ACACB: variants seen among roughly 807,000 people sequenced by gnomAD.
ACACB encodes the protein acetyl-CoA carboxylase 2.
Under a neutral mutation model 278.8 loss-of-function variants are expected in ACACB, and 209 were observed. The observed-to-expected ratio is 0.75, with a 90% CI of 0.67 to 0.84. ACACB has a LOEUF of 0.84. ACACB is among the 40% of genes least tolerant of loss of function. The pLI is 0.00. For missense variants in ACACB, 2,850 were observed against 3,269.0 expected, an observed-to-expected ratio of 0.87 and a Z score of 3.13; for synonymous variants, 1,174 against 1,285.6, an observed-to-expected ratio of 0.91 and a Z score of 1.86.
rs758101883 is a variant in ACACB at position 109,176,278 on chromosome 12, CTG to C, written c.1437+19_1437+20del. ...TTTTCAGACAAGTGAGCAGTTCTTG[CTG>C]TGTCTTTTCGCATCTGTCTTTGGGA... On this transcript the variant is annotated intron_variant, in intron 9 of 52. Coordinates refer to ENST00000338432, the MANE Select transcript of ACACB (RefSeq NM_001093.4). The C allele has an allele frequency of 6.2e-6, 10 of 1,605,850 alleles. No individual in the cohort carries two copies. Among genetic ancestry groups the C allele is most frequent in the South Asian group, 1.1e-5 (1 of 90,880 alleles).
At chr12:109,233,916 A>T in intron 30 of ACACB, 22 bp from the exon 31 acceptor site, 1 of 1,613,496 alleles carries the variant, frequency 6.2e-7, no homozygotes, top group South Asian at 1.1e-5. Flanking sequence ...TTCCAGCCCT[A>T]CCCCTTGCTT....
At chr12:109,191,548 A>G (rs2044883640) in intron 13 of ACACB, 65 bp from the exon 14 acceptor site, 2 of 1,590,956 alleles carry the variant, frequency 1.3e-6, no homozygotes, top group Admixed American at 3.4e-5. Context: ...GAATCACATC[A>G]TTGCAGCAAC....
intron 12 of ACACB, among the ~76,000 whole-genome samples, 158 bp from the exon 13 acceptor site, chr12:109,187,841 T>C (rs999211968): frequency 1.3e-5 from 2 of 152,196 alleles, no homozygotes; most frequent in African/African-American, 4.8e-5. Context: ...CATGAATAGA[T>C]ACATCCATAC....
chr12:109,243,897 T>TATATATATATATATATATATATATATA (rs1565965174), intron 37 of ACACB, among the ~76,000 whole-genome samples: 1 of 147,456 alleles, frequency 6.8e-6, no homozygotes, highest in Admixed American at 6.8e-5. Flanking sequence ...ATATATATAT[T>TATATATATATATATATATATATATATA]TATTTATTTA....
chr12:109,218,923 C>T lies in ACACB; in HGVS notation c.3564+2003C>T, dbSNP rs149325378. 3.0e-4 allele frequency among the ~76,000 whole-genome samples: 45 copies of T among 152,198 alleles called. 1 individual carries two copies. The highest frequency in any genetic ancestry group is 2.7e-3 in the East Asian group (14 of 5,186). On this transcript the variant is annotated intron_variant, in intron 24 of 52. Coordinates refer to ENST00000338432, the MANE Select transcript of ACACB (RefSeq NM_001093.4). ...CTGGGATTACAGGCATGCGCCACCA[C>T]GCCCGGCTAATTTTTGTGTTTTTAG...
rs1165537149 is a variant in ACACB, at chr12:109,139,839, G to A, written c.434G>A (p.Gly145Asp). ...GCCAGGCCCCAGGGCCAGCAAGCTG[G>A]CTCCCCCTCCAAAGAAGACAAGAAG... is the stretch of plus-strand genomic sequence containing the variant. ...SSARPQGQQA[G>D]SPSKEDKKQA... Residue 145 changes from glycine to aspartate, a missense_variant, in exon 2 of 53, where the codon GGC (glycine) becomes GAC (aspartate). Coordinates refer to ENST00000338432, the MANE Select transcript of ACACB (RefSeq NM_001093.4). The A allele has an allele frequency of 6.2e-7, 1 of 1,614,014 alleles. No individual in the cohort carries two copies. Among genetic ancestry groups the A allele is most frequent in the African/African-American group, 1.3e-5 (1 of 74,940 alleles).
At chr12:109,161,610 C>T (rs974363276) in intron 2 of ACACB, among the ~76,000 whole-genome samples, 73 of 151,890 alleles carry the variant, frequency 4.8e-4, no homozygotes, top group Non-Finnish European at 1.5e-4. Context: ...GTATAGTTAT[C>T]ACAGCACTAT....
chr12:109,178,861 A>T (rs1438739014), intron 9 of ACACB, among the ~76,000 whole-genome samples: 2 of 151,980 alleles, frequency 1.3e-5, no homozygotes, highest in Admixed American at 1.3e-4. Flanking sequence ...GTTCTTCCCC[A>T]CCTGGGGCCG....
chr12:109,221,897 G>A (rs866539592), intron 24 of ACACB, among the ~76,000 whole-genome samples: 1 of 149,236 alleles, frequency 6.7e-6, no homozygotes, highest in Non-Finnish European at 1.5e-5. Context: ...TTTTTTTTGG[G>A]GGGGAGACAG....
intron 21 of ACACB, among the ~76,000 whole-genome samples, chr12:109,210,637 G>T (rs183893049): frequency 1.5e-4 from 23 of 150,584 alleles, no homozygotes; most frequent in Non-Finnish European, 1.0e-4. Context: ...TACTGAGGTC[G>T]GGTGCATTGG....
chr12:109,258,824 G>A lies in ACACB; in HGVS notation c.6361-149G>A, dbSNP rs947506159. ...AGCCTGGTCCTGAGCGGAGGAGATG[G>A]GGCTTCCATCCTTCTGAGCCCTGGC... On this transcript the variant is annotated intron_variant, in intron 46 of 52. Transcript: ENST00000338432. 5.8e-6 allele frequency: 6 copies of A among 1,026,450 alleles called. No homozygotes were observed. In the South Asian group the frequency reaches 9.4e-5, roughly 16 times the overall value. The allele number at this position is 1,026,450 out of a possible 1,614,324, so 63.6% of individuals were successfully genotyped here. A position where few individuals can be genotyped will look rare whatever the true frequency, so the allele number is the denominator to read the frequency against.
chr12:109,112,243 AAT>A (rs1364805911), upstream of ACACB, among the ~76,000 whole-genome samples: 1 of 149,128 alleles, frequency 6.7e-6, no homozygotes, highest in African/African-American at 2.4e-5. Context: ...ATATAAGTTC[AAT>A]ATATATGTAT....
intron 11 of ACACB, among the ~76,000 whole-genome samples, chr12:109,184,417 C>T (rs1440838956): frequency 6.6e-6 from 1 of 152,188 alleles, no homozygotes; most frequent in African/African-American, 2.4e-5. Context: ...CTGAATACTT[C>T]ATTCTAAAGG....
chr12:109,111,221 A>T, the ACACB span: 1 of 152,298 alleles, frequency 6.6e-6, no homozygotes, highest in African/African-American at 2.4e-5. Context: ...CCCAACTCCG[A>T]GCACCGTGGA....
chr12:109,239,706 C>G (rs1268879452), intron 34 of ACACB, 124 bp from the exon 35 acceptor site: 2 of 1,180,218 alleles, frequency 1.7e-6, no homozygotes, highest in South Asian at 1.6e-5. Flanking sequence ...TCTTGCCTGG[C>G]ACACTTTTTG....
At position 109,210,188 on chromosome 12, in the gene ACACB, CGTGTGTAT is replaced by C. The variant is rs1257567098; in HGVS notation, c.3249+836_3249+843del. Among the ~76,000 whole-genome samples, 4 of 13,752 alleles carry C rather than the reference CGTGTGTAT, an allele frequency of 2.9e-4. 1 individual carries two copies. Among genetic ancestry groups the C allele is most frequent in the African/African-American group, 1.1e-3 (4 of 3,638 alleles). 9.0% of individuals were successfully genotyped at this position (13,752 alleles called of 152,430 possible). ...ATATGTATATATGTATATATACACA[CGTGTGTAT>C]ATGTATATATGTATATATACACACA... On this transcript the variant is annotated intron_variant, in intron 21 of 52. Transcript: ENST00000338432.
At chr12:109,120,112 T>C (rs1267017475) in intron 1 of ACACB, among the ~76,000 whole-genome samples, 4 of 152,178 alleles carry the variant, frequency 2.6e-5, no homozygotes, top group African/African-American at 9.7e-5. Flanking sequence ...CCTAGAAGGC[T>C]TTCTCTGCTG....
chr12:109,243,883 A>ATT (rs1565965084), intron 37 of ACACB, among the ~76,000 whole-genome samples: 4 of 134,270 alleles, frequency 3.0e-5, no homozygotes, highest in African/African-American at 1.1e-4. Flanking sequence ...GACATTATAT[A>ATT]TATATATATA....
chr12:109,266,031 G>T (rs958423098), intron 52 of ACACB, among the ~76,000 whole-genome samples: 1 of 152,258 alleles, frequency 6.6e-6, no homozygotes, highest in Non-Finnish European at 1.5e-5. Context: ...GCAGTGACCA[G>T]TAGGGACGGT....
Sources: allele counts gnomAD v4.1 joint callset (sites outside exome capture counted in the v4.1 genomes callset), GRCh38; gene constraint gnomAD v4.1.1; transcripts MANE v1.5; gene names NCBI Gene and HGNC (gene_info 2026-07-23, HGNC 2026-07-21).